NDRG3: variants seen among roughly 807,000 people sequenced by gnomAD.
NDRG3 encodes protein NDRG3.
NDRG3 carries 23 observed loss-of-function variants against 57.2 expected under a neutral mutation model. That is an observed-to-expected ratio of 0.40 (90% confidence interval 0.29 to 0.57). The LOEUF (loss-of-function observed/expected upper bound fraction) is 0.57. NDRG3 is among the 20% of genes least tolerant of loss of function. NDRG3 has a pLI of 0.42. For missense variants in NDRG3, 384 were observed against 457.3 expected, an observed-to-expected ratio of 0.84 and a Z score of 1.46; for synonymous variants, 132 against 162.6, an observed-to-expected ratio of 0.81 and a Z score of 1.43.
At chr20:36,681,466 T>C (rs559821245) in intron 7 of NDRG3, among the ~76,000 whole-genome samples, 2 of 151,706 alleles carry the variant, frequency 1.3e-5, no homozygotes, top group South Asian at 4.2e-4. Context: ...CGAAACCCCA[T>C]GTCTACTAAA....
intron 15 of NDRG3, among the ~76,000 whole-genome samples, chr20:36,655,503 C>T (rs1378991570): frequency 6.6e-6 from 1 of 152,224 alleles, no homozygotes; most frequent in African/African-American, 2.4e-5. Context: ...ATGATATGGA[C>T]ACACCCTTGG....
chr20:36,695,740 TCAA>T (rs1440242132), intron 3 of NDRG3, among the ~76,000 whole-genome samples: 5 of 152,354 alleles, frequency 3.3e-5, no homozygotes, highest in African/African-American at 9.6e-5. Context: ...TGGAACTTCA[TCAA>T]CAATTCTAGT....
Position 36,712,582 on chromosome 20 carries a change from TATA to T in NDRG3, c.58-5578_58-5576del, listed in dbSNP as rs1403662132. ...GGCTATATATATATATATATATATA[TATA>T]TATTTTTTTTTTTTTTTTTTTTTTT... On this transcript the variant is annotated intron_variant, in intron 2 of 15. Transcript: ENST00000349004. Among the ~76,000 whole-genome samples the T allele has an allele frequency of 9.5e-4, 33 of 34,578 alleles. 1 individual carries two copies. The highest frequency in any genetic ancestry group is 2.3e-3 in the African/African-American group (21 of 9,176). The allele number at this position is 34,578 out of a possible 152,430, so 22.7% of individuals were successfully genotyped here.
chr20:36,655,217 A>G (rs1241329483), intron 15 of NDRG3, among the ~76,000 whole-genome samples: 1 of 152,200 alleles, frequency 6.6e-6, no homozygotes, highest in Non-Finnish European at 1.5e-5. Flanking sequence ...CAAGGATGAC[A>G]CAGCCACTTG....
rs57260715 is a variant in NDRG3, at chr20:36,712,587, A to ATAT, written c.58-5581_58-5580insATA. 1.4e-3 allele frequency among the ~76,000 whole-genome samples: 8 copies of ATAT among 5,914 alleles called. 1 individual carries two copies. Among genetic ancestry groups the ATAT allele is most frequent in the East Asian group, 5.5e-3 (1 of 182 alleles). The allele number at this position is 5,914 out of a possible 152,430, so 3.9% of individuals were successfully genotyped here. A position where few individuals can be genotyped will look rare whatever the true frequency, so the allele number is the denominator to read the frequency against. On this transcript the variant is annotated intron_variant, in intron 2 of 15. Transcript: ENST00000349004. ...TATATATATATATATATATATATAT[A>ATAT]TTTTTTTTTTTTTTTTTTTTTTTTT... is the stretch of plus-strand genomic sequence containing the variant.
At chr20:36,690,553 C>T (rs546065605) in intron 3 of NDRG3, among the ~76,000 whole-genome samples, 1 of 46,324 alleles carries the variant, frequency 2.2e-5, no homozygotes, top group South Asian at 5.9e-4. Flanking sequence ...AAAGATGCAC[C>T]GAGCAAAGCT....
chr20:36,743,498 AAAT>A (rs560116629), intron 1 of NDRG3, among the ~76,000 whole-genome samples: 3 of 148,760 alleles, frequency 2.0e-5, no homozygotes. Context: ...CCGTCTCAAA[AAAT>A]AATAATAATA....
At chr20:36,655,408 T>TC (rs1978567590) in intron 15 of NDRG3, among the ~76,000 whole-genome samples, 3 of 152,326 alleles carry the variant, frequency 2.0e-5, no homozygotes, top group Middle Eastern at 6.8e-3. Flanking sequence ...TTCTAAAAAC[T>TC]CCAAGAAAGG....
chr20:36,706,744 C>A (rs1983569858), intron 3 of NDRG3, among the ~76,000 whole-genome samples: 1 of 152,208 alleles, frequency 6.6e-6, no homozygotes, highest in Non-Finnish European at 1.5e-5. Flanking sequence ...CTCAAGTGAT[C>A]TGTCTGCCTT....
At chr20:36,666,418 G>A in intron 9 of NDRG3, 26 bp from the exon 10 acceptor site, 1 of 1,517,772 alleles carries the variant, frequency 6.6e-7, no homozygotes, top group Non-Finnish European at 9.2e-7. Flanking sequence ...GAAGACATGG[G>A]TAAGCTTCTG....
At chr20:36,727,533 T>TTTCTC (rs1985012878) in intron 1 of NDRG3, among the ~76,000 whole-genome samples, 1 of 150,170 alleles carries the variant, frequency 6.7e-6, no homozygotes, top group African/African-American at 2.5e-5. Context: ...CTTTCTTTCT[T>TTTCTC]TTTTCTTTTC....
chr20:36,700,380 T>C, intron 3 of NDRG3: 4 of 485,134 alleles, frequency 8.2e-6, no homozygotes, highest in South Asian at 1.6e-5. Flanking sequence ...TTTCAAAGTA[T>C]GTGAATGTAA....
intron 3 of NDRG3, among the ~76,000 whole-genome samples, chr20:36,695,996 C>T (rs568263679): frequency 3.3e-5 from 5 of 152,300 alleles, no homozygotes; most frequent in East Asian, 3.9e-4. Flanking sequence ...CTCTTTTGTA[C>T]TCTTTCCCTT....
chr20:36,691,203 C>T (rs1486866362), intron 3 of NDRG3, among the ~76,000 whole-genome samples: 4 of 152,176 alleles, frequency 2.6e-5, no homozygotes, highest in Non-Finnish European at 5.9e-5. Flanking sequence ...CTGATGTGGG[C>T]ACCAGAAGAC....
intron 1 of NDRG3, among the ~76,000 whole-genome samples, chr20:36,731,428 A>G (rs1011792127): frequency 1.3e-5 from 2 of 152,314 alleles, no homozygotes; most frequent in African/African-American, 4.8e-5. Flanking sequence ...TTGGACAGTA[A>G]AAGTCAGTGG....
chr20:36,688,229 C>T (rs1981952627), intron 4 of NDRG3, among the ~76,000 whole-genome samples: 3 of 152,352 alleles, frequency 2.0e-5, no homozygotes, highest in African/African-American at 7.2e-5. Context: ...GTGTCTATGG[C>T]TGGGGCCAGA....
At chr20:36,713,923 T>C (rs992716318) in intron 2 of NDRG3, among the ~76,000 whole-genome samples, 2 of 152,172 alleles carry the variant, frequency 1.3e-5, no homozygotes, top group African/African-American at 4.8e-5. Context: ...GAATAAAATA[T>C]GACTTTGTAT....
At chr20:36,681,518 C>T (rs894286065) in intron 7 of NDRG3, among the ~76,000 whole-genome samples, 87 of 151,038 alleles carry the variant, frequency 5.8e-4, no homozygotes, top group Middle Eastern at 3.4e-3. Context: ...CGCCTGTAAT[C>T]CCAGCTACTC....
At chr20:36,703,012 G>A (rs979909678) in intron 3 of NDRG3, among the ~76,000 whole-genome samples, 5 of 151,960 alleles carry the variant, frequency 3.3e-5, no homozygotes, top group African/African-American at 1.2e-4. Flanking sequence ...TAGAGACAGG[G>A]TTTCACCATG....
Sources: allele counts gnomAD v4.1 joint callset (sites outside exome capture counted in the v4.1 genomes callset), GRCh38; gene constraint gnomAD v4.1.1; transcripts MANE v1.5; gene names NCBI Gene and HGNC (gene_info 2026-07-23, HGNC 2026-07-21).